The following PDE1A variants were observed in gnomAD, a reference collection of about 807,000 sequenced individuals.
PDE1A encodes phosphodiesterase 1A, also known as dual specificity calcium/calmodulin-dependent 3',5'-cyclic nucleotide phosphodiesterase 1A.
A neutral mutation model predicts 61.7 loss-of-function variants in PDE1A; 35 were observed. That is an observed-to-expected ratio of 0.57 (90% confidence interval 0.43 to 0.75). The LOEUF is 0.75. Among genes scored for constraint, PDE1A ranks in the 30% least tolerant of loss-of-function variants. The probability of loss-of-function intolerance (pLI) is 0.00; values close to 1 mark genes in which losing one functional copy is unlikely to be tolerated. For missense variants in PDE1A, 597 were observed against 630.6 expected, an observed-to-expected ratio of 0.95 and a Z score of 0.57; for synonymous variants, 232 against 213.2, an observed-to-expected ratio of 1.09 and a Z score of -0.77.
chr2:182,546,212 G>C, the PDE1A span, among the ~76,000 whole-genome samples: 4 of 152,184 alleles, frequency 2.6e-5, no homozygotes, highest in Non-Finnish European at 5.9e-5. Context: ...GGCAGATCAG[G>C]AGGATGAAGT....
chr2:182,563,662 A>C, the PDE1A span, among the ~76,000 whole-genome samples: 1 of 152,142 alleles, frequency 6.6e-6, no homozygotes. Context: ...GGGGTGTTAA[A>C]GTCTCCCATT....
rs1574388096 is a variant in PDE1A at position 182,336,961 on chromosome 2, T to C, written c.54-72547A>G. 6.4e-4 allele frequency among the ~76,000 whole-genome samples: 5 copies of C among 7,804 alleles called. No individual in the cohort carries two copies. In the African/African-American group the frequency reaches 9.3e-3, roughly 15 times the overall value. The allele number at this position is 7,804 out of a possible 152,430, so 5.1% of individuals were successfully genotyped here. On this transcript the variant is annotated intron_variant, in intron 1 of 13. Transcript: ENST00000351439. Reference sequence around the variant, plus strand: ...CCTGCAGGTTCTGCACATGTATCCCTTTTTTTTTTTTTTTTAAATAAAGAA... The same window carrying C: ...CCTGCAGGTTCTGCACATGTATCCCCTTTTTTTTTTTTTTTAAATAAAGAA...
At chr2:182,194,351 C>T (rs1292336707) in intron 10 of PDE1A, among the ~76,000 whole-genome samples, 1 of 152,122 alleles carries the variant, frequency 6.6e-6, no homozygotes, top group African/African-American at 2.4e-5. Flanking sequence ...AAAAACCTGT[C>T]TTCTTTTACC....
intron 2 of PDE1A, among the ~76,000 whole-genome samples, chr2:182,434,042 GTTTAA>G (rs1704087544): frequency 6.6e-6 from 1 of 151,922 alleles, no homozygotes; most frequent in South Asian, 2.1e-4. Context: ...ATCATAATCT[GTTTAA>G]TTTTTTATTC....
chr2:182,147,131 T>G (rs1559114278), exon 14 of PDE1A: 1 of 1,602,782 alleles, frequency 6.2e-7, no homozygotes, highest in Admixed American at 1.7e-5. Context: ...GTCTTCTGAG[T>G]TCTTATGAAG....
the PDE1A span, among the ~76,000 whole-genome samples, chr2:182,694,557 T>G: frequency 6.6e-6 from 1 of 152,168 alleles, no homozygotes; most frequent in Non-Finnish European, 1.5e-5. Flanking sequence ...ATACAAGAGA[T>G]CCATGAAGAG....
the PDE1A span, among the ~76,000 whole-genome samples, chr2:182,695,445 CA>C: frequency 1.3e-5 from 2 of 151,806 alleles, no homozygotes; most frequent in Admixed American, 6.6e-5. Context: ...TTCTGCTCTG[CA>C]AAAGAGAATG....
chr2:182,444,259 T>A (rs376539110), intron 2 of PDE1A, among the ~76,000 whole-genome samples: 2 of 152,182 alleles, frequency 1.3e-5, no homozygotes, highest in East Asian at 1.9e-4. Flanking sequence ...TGGCTTCATG[T>A]TTAACCCTCA....
chr2:182,708,122 C>G, the PDE1A span, among the ~76,000 whole-genome samples: 1 of 151,882 alleles, frequency 6.6e-6, no homozygotes, highest in African/African-American at 2.4e-5. Flanking sequence ...CACTCTGTAC[C>G]CCATAAATAT....
chr2:182,571,164 T>C, the PDE1A span, among the ~76,000 whole-genome samples: 1 of 152,310 alleles, frequency 6.6e-6, no homozygotes. Context: ...TTCCTGATTA[T>C]GAGAAGAATG....
At chr2:182,454,052 T>C (rs1399175366) in intron 2 of PDE1A, among the ~76,000 whole-genome samples, 1 of 152,092 alleles carries the variant, frequency 6.6e-6, no homozygotes. Flanking sequence ...CTTAAGCTGA[T>C]AAGCAACTTC....
chr2:182,200,872 T>C lies in PDE1A; in HGVS notation c.1125+567A>G, dbSNP rs150393816. Among the ~76,000 whole-genome samples, 499 of 152,294 alleles carry C rather than the reference T, an allele frequency of 3.3e-3. 2 individuals are homozygous for C. The highest frequency in any genetic ancestry group is 0.012 in the African/African-American group (480 of 41,566). ...ACATTTGTATTGTAGCACTCCAGCT[T>C]GGATTGTGGGGGTTGCAAAACAGGG... On this transcript the variant is annotated intron_variant, in intron 10 of 13. Coordinates refer to ENST00000351439, the Ensembl canonical transcript of PDE1A.
the PDE1A span, among the ~76,000 whole-genome samples, chr2:182,565,086 T>C: frequency 6.6e-6 from 1 of 152,216 alleles, no homozygotes; most frequent in East Asian, 1.9e-4. Context: ...CTTTGTTCCG[T>C]TGCTGGTGAG....
intron 2 of PDE1A, among the ~76,000 whole-genome samples, chr2:182,262,955 ATGTGTG>A (rs60469609): frequency 0.11 from 15,839 of 147,148 alleles, 1,044 homozygotes; most frequent in East Asian, 0.31. Flanking sequence ...TTATTAAACA[ATGTGTG>A]TGTGTGTGTG....
chr2:182,536,826 C>T, the PDE1A span, among the ~76,000 whole-genome samples: 1 of 152,164 alleles, frequency 6.6e-6, no homozygotes, highest in Non-Finnish European at 1.5e-5. Flanking sequence ...CTCTCTCCCT[C>T]AGGACATTTG....
intron 2 of PDE1A, among the ~76,000 whole-genome samples, chr2:182,493,054 T>A (rs1351344490): frequency 6.6e-6 from 1 of 151,730 alleles, no homozygotes; most frequent in Non-Finnish European, 1.5e-5. Flanking sequence ...ACATCTACTC[T>A]GTGCTTACAT....
At chr2:182,360,308 G>T (rs898052447) in intron 1 of PDE1A, among the ~76,000 whole-genome samples, 1 of 151,972 alleles carries the variant, frequency 6.6e-6, no homozygotes. Flanking sequence ...TTTTAAATTC[G>T]TATAATCTCA....
At chr2:182,632,437 G>A in the PDE1A span, among the ~76,000 whole-genome samples, 1 of 151,972 alleles carries the variant, frequency 6.6e-6, no homozygotes, top group African/African-American at 2.4e-5. Context: ...TGAATTCAAA[G>A]ATCAGCATAA....
exon 15 of PDE1A, chr2:182,141,323 C>T (rs1162143582): frequency 6.6e-6 from 1 of 152,068 alleles, no homozygotes; most frequent in African/African-American, 2.4e-5. Flanking sequence ...TAGTTACAGT[C>T]TCTCCATAAA....
Sources: gnomAD v4.1 joint callset for allele counts (sites outside exome capture counted in the v4.1 genomes callset) on GRCh38, gnomAD v4.1.1 for gene constraint, MANE v1.5 for transcripts, NCBI Gene and HGNC (gene_info 2026-07-23, HGNC 2026-07-21) for gene names.